PBRM1: variants seen among roughly 807,000 people sequenced by gnomAD.
PBRM1 encodes polybromo 1, also known as protein polybromo-1.
PBRM1 carries 27 observed loss-of-function variants against 194.5 expected under a neutral mutation model. The ratio of observed to expected loss-of-function variants is 0.14; its 90% confidence interval spans 0.10 to 0.19. The LOEUF is 0.19. Among genes scored for constraint, PBRM1 ranks in the 10% least tolerant of loss-of-function variants. The probability of loss-of-function intolerance (pLI) is 1.00; values close to 1 mark genes in which losing one functional copy is unlikely to be tolerated. For synonymous variants in PBRM1, 655 were observed against 693.2 expected (o/e 0.94, Z 0.87); for missense variants, 1,466 against 2,077.2 (o/e 0.71, Z 5.72).
chr3:52,607,589 G>C (rs1352811680), intron 16 of PBRM1, among the ~76,000 whole-genome samples: 1 of 152,180 alleles, frequency 6.6e-6, no homozygotes, highest in Non-Finnish European at 1.5e-5. Flanking sequence ...ATGTAATGGG[G>C]CTAAGCAGGG....
intron 13 of PBRM1, among the ~76,000 whole-genome samples, chr3:52,619,001 G>A (rs1403941011): frequency 6.6e-6 from 1 of 152,040 alleles, no homozygotes; most frequent in African/African-American, 2.4e-5. Flanking sequence ...CGCCTGCCTC[G>A]GCCTCCCAAA....
At chr3:52,637,630 C>A (rs1039069554) in intron 10 of PBRM1, among the ~76,000 whole-genome samples, 1 of 150,288 alleles carries the variant, frequency 6.7e-6, no homozygotes. Context: ...AAAACCCAGT[C>A]TCAAGAAAAA....
At chr3:52,668,673 A>T in intron 2 of PBRM1, 28 bp from the exon 4 acceptor site, 1 of 1,392,996 alleles carries the variant, frequency 7.2e-7, no homozygotes. Context: ...TTTTTAAAGG[A>T]GATTAATCTG....
chr3:52,668,798 A>G (rs974253257), intron 2 of PBRM1, among the ~76,000 whole-genome samples, 153 bp from the exon 4 acceptor site: 3 of 151,252 alleles, frequency 2.0e-5, no homozygotes, highest in Admixed American at 1.3e-4. Flanking sequence ...AAAAAAAAAA[A>G]AGAAAAAAAT....
intron 21 of PBRM1, among the ~76,000 whole-genome samples, chr3:52,578,520 T>C (rs1211292647): frequency 6.6e-6 from 1 of 152,196 alleles, no homozygotes; most frequent in Admixed American, 6.5e-5. Flanking sequence ...CCCAACCCTA[T>C]ACCAGACTCT....
chr3:52,660,960 G>A (rs1326239263), intron 4 of PBRM1, among the ~76,000 whole-genome samples: 1 of 152,188 alleles, frequency 6.6e-6, no homozygotes, highest in Non-Finnish European at 1.5e-5. Context: ...CAATTTAGCT[G>A]TAGAAAAGAG....
At chr3:52,669,609 C>G (rs1404247447) in intron 2 of PBRM1, among the ~76,000 whole-genome samples, 6 of 152,146 alleles carry the variant, frequency 3.9e-5, no homozygotes, top group African/African-American at 1.2e-4. Context: ...CAAATAACAT[C>G]ATGGCGATTA....
At position 52,679,554 on chromosome 3, in the gene PBRM1, A is replaced by G; in HGVS notation, c.138+20T>C. ...ATTGTGGGAAGAGCAGGCAGAAACC[A>G]TGTAATCCAAGTTACTCACAGGATC... On this transcript the variant is annotated intron_variant, in intron 1 of 29. Coordinates refer to ENST00000296302, the Ensembl canonical transcript of PBRM1. 1 of 1,607,880 alleles carries G rather than the reference A, an allele frequency of 6.2e-7. No homozygotes were observed. The highest frequency in any genetic ancestry group is 8.5e-7 in the Non-Finnish European group (1 of 1,176,582).
intron 20 of PBRM1, among the ~76,000 whole-genome samples, chr3:52,582,405 A>G (rs2091463559): frequency 6.9e-6 from 1 of 145,782 alleles, no homozygotes; most frequent in Non-Finnish European, 1.5e-5. Context: ...ACTTCCATTG[A>G]TAATTCTTTT....
chr3:52,619,578 G>A (rs1169536377), intron 13 of PBRM1, among the ~76,000 whole-genome samples: 1 of 152,098 alleles, frequency 6.6e-6, no homozygotes, highest in African/African-American at 2.4e-5. Flanking sequence ...TGTACTTAGA[G>A]GTAAATATTT....
At chr3:52,640,829 C>A (rs980011910) in intron 10 of PBRM1, among the ~76,000 whole-genome samples, 1 of 150,930 alleles carries the variant, frequency 6.6e-6, no homozygotes, top group Non-Finnish European at 1.5e-5. Flanking sequence ...AGTAGAGACA[C>A]GGTTTCACCA....
chr3:52,602,031 C>T (rs1368563193), intron 17 of PBRM1, among the ~76,000 whole-genome samples: 1 of 152,166 alleles, frequency 6.6e-6, no homozygotes, highest in East Asian at 1.9e-4. Context: ...GTCAATTGGG[C>T]TGGACAATCC....
intron 7 of PBRM1, 76 bp downstream of exon 8, chr3:52,648,268 T>C: frequency 2.4e-6 from 2 of 847,674 alleles, no homozygotes; most frequent in Non-Finnish European, 1.9e-6. Context: ...AATAAAGTTG[T>C]TTTATAAAAA....
At chr3:52,626,234 TG>T (rs2153569715) in intron 13 of PBRM1, among the ~76,000 whole-genome samples, 1 of 152,302 alleles carries the variant, frequency 6.6e-6, no homozygotes, top group South Asian at 2.1e-4. Context: ...ATTAAGAACT[TG>T]GAAGGATGAA....
intron 3 of PBRM1, among the ~76,000 whole-genome samples, chr3:52,666,968 T>C (rs2577842): frequency 0.03 from 4,547 of 151,690 alleles, 99 homozygotes; most frequent in Non-Finnish European, 0.05. Context: ...TAAACTGGCC[T>C]GTGGAACAGA....
chr3:52,622,887 A>G (rs2095328645), intron 13 of PBRM1, among the ~76,000 whole-genome samples: 1 of 152,192 alleles, frequency 6.6e-6, no homozygotes, highest in African/African-American at 2.4e-5. Flanking sequence ...ACACACACAC[A>G]CAATTCTTAT....
chr3:52,604,953 G>A (rs996430239), intron 16 of PBRM1, among the ~76,000 whole-genome samples: 1 of 89,362 alleles, frequency 1.1e-5, no homozygotes. Flanking sequence ...GTGAGACTCT[G>A]TCCCAAAATA....
intron 27 of PBRM1, among the ~76,000 whole-genome samples, chr3:52,553,787 G>A (rs2081578366): frequency 6.6e-6 from 1 of 151,112 alleles, no homozygotes; most frequent in Non-Finnish European, 1.5e-5. Flanking sequence ...TCAGCCTCTC[G>A]AGTAGCTGGG....
chr3:52,582,870 G>A (rs1576094025), intron 20 of PBRM1, among the ~76,000 whole-genome samples: 1 of 151,754 alleles, frequency 6.6e-6, no homozygotes, highest in East Asian at 1.9e-4. Flanking sequence ...GGCCGAGGCG[G>A]GCGGATCATG....
Sources: gnomAD v4.1 joint callset for allele counts (sites outside exome capture counted in the v4.1 genomes callset) on GRCh38, gnomAD v4.1.1 for gene constraint, MANE v1.5 for transcripts, NCBI Gene and HGNC (gene_info 2026-07-23, HGNC 2026-07-21) for gene names.